Variants in CNTN5 observed in about 807,000 individuals in gnomAD.
CNTN5 encodes contactin-5.
CNTN5 carries 77 observed loss-of-function variants against 129.1 expected under a neutral mutation model. The ratio of observed to expected loss-of-function variants is 0.60; its 90% CI spans 0.50 to 0.72. The LOEUF (loss-of-function observed/expected upper bound fraction) is 0.72. CNTN5 is among the 30% of genes least tolerant of loss of function. The pLI is 0.00. For synonymous variants in CNTN5, 509 were observed against 465.6 expected, an observed-to-expected ratio of 1.09 and a Z score of -1.20; for missense variants, 1,478 against 1,328.8, an observed-to-expected ratio of 1.11 and a Z score of -1.75.
intron 7 of CNTN5, among the ~76,000 whole-genome samples, chr11:99,934,939 TATATATATACAC>T (rs1162118382): frequency 9.0e-5 from 8 of 89,004 alleles, no homozygotes; most frequent in African/African-American, 4.1e-4. Flanking sequence ...TATATATATA[TATATATATACAC>T]ACACATATAT....
chr11:100,126,592 G>C (rs949850528), intron 13 of CNTN5, among the ~76,000 whole-genome samples: 1 of 151,942 alleles, frequency 6.6e-6, no homozygotes, highest in Non-Finnish European at 1.5e-5. Context: ...TCTGATATAA[G>C]AATAGTAACT....
chr11:100,335,264 AG>A (rs1952011560), intron 21 of CNTN5, among the ~76,000 whole-genome samples: 1 of 152,176 alleles, frequency 6.6e-6, no homozygotes, highest in Non-Finnish European at 1.5e-5. Context: ...ATGTAAAAGT[AG>A]GGGAAAGTTC....
intron 6 of CNTN5, among the ~76,000 whole-genome samples, chr11:99,902,193 C>T (rs1047136747): frequency 6.6e-5 from 10 of 151,058 alleles, no homozygotes; most frequent in African/African-American, 2.4e-4. Flanking sequence ...TTTAGTGAAC[C>T]AGAGCGTGGA....
At chr11:100,259,587 CA>C (rs1250140866) in intron 17 of CNTN5, among the ~76,000 whole-genome samples, 4 of 152,036 alleles carry the variant, frequency 2.6e-5, no homozygotes, top group African/African-American at 9.7e-5. Flanking sequence ...GAAGTAATAA[CA>C]AACAGTCTCT....
chr11:100,308,405 G>A lies in CNTN5; in HGVS notation c.2667G>A (p.Val889=), dbSNP rs1482004521. 4 of 1,611,106 alleles carry A rather than the reference G, an allele frequency of 2.5e-6. No homozygotes were observed. Among genetic ancestry groups the A allele is most frequent in the Non-Finnish European group, 3.4e-6 (4 of 1,177,980 alleles). The change falls in exon 21 of 25, where the codon GTG becomes GTA. Residue 889 remains valine, a synonymous_variant. Coordinates refer to ENST00000524871, the MANE Select transcript of CNTN5 (RefSeq NM_014361.4). ...ATGTCAAGGCGACAAGTGTGTCTGTGTCAGAGATTCTTGTTGCATGGAAAC... is the reference window on the plus strand; with the variant it reads ...ATGTCAAGGCGACAAGTGTGTCTGTATCAGAGATTCTTGTTGCATGGAAAC... ...PTDVKATSVS[V]SEILVAWKHI...
chr11:100,143,559 C>A (rs1946762212), intron 13 of CNTN5, among the ~76,000 whole-genome samples: 1 of 152,048 alleles, frequency 6.6e-6, no homozygotes, highest in African/African-American at 2.4e-5. Flanking sequence ...GACAGAATGG[C>A]AATGTGCAGC....
At chr11:99,506,765 A>G (rs537193674) in intron 2 of CNTN5, among the ~76,000 whole-genome samples, 1 of 152,310 alleles carries the variant, frequency 6.6e-6, no homozygotes, top group African/African-American at 2.4e-5. Context: ...TAATTGTAGG[A>G]ATATATTTCA....
chr11:99,578,608 T>C (rs1030389392), intron 3 of CNTN5, among the ~76,000 whole-genome samples: 4 of 149,994 alleles, frequency 2.7e-5, no homozygotes, highest in Non-Finnish European at 5.9e-5. Context: ...CATGTGTTTT[T>C]TGGCTGCATA....
chr11:100,146,064 T>C (rs950503622), intron 13 of CNTN5, among the ~76,000 whole-genome samples: 1 of 152,174 alleles, frequency 6.6e-6, no homozygotes, highest in Non-Finnish European at 1.5e-5. Flanking sequence ...CCCTTTAGCT[T>C]CTCTGTAAAT....
intron 7 of CNTN5, among the ~76,000 whole-genome samples, chr11:99,940,668 A>C (rs1330315586): frequency 6.6e-6 from 1 of 152,144 alleles, no homozygotes; most frequent in Non-Finnish European, 1.5e-5. Flanking sequence ...ACTTTAAAAT[A>C]CAGTTATGTT....
intron 3 of CNTN5, among the ~76,000 whole-genome samples, chr11:99,626,524 T>C (rs1951138890): frequency 6.6e-6 from 1 of 152,130 alleles, no homozygotes; most frequent in Non-Finnish European, 1.5e-5. Flanking sequence ...ATGTTGCCCT[T>C]CTTCAAGAAG....
intron 3 of CNTN5, among the ~76,000 whole-genome samples, chr11:99,689,163 G>A (rs551514369): frequency 6.6e-6 from 1 of 152,160 alleles, no homozygotes; most frequent in Admixed American, 6.5e-5. Context: ...CTGCTTCTAG[G>A]TTTCTGAGAA....
chr11:99,335,919 G>C (rs1866201841), intron 2 of CNTN5, among the ~76,000 whole-genome samples: 1 of 152,032 alleles, frequency 6.6e-6, no homozygotes, highest in Admixed American at 6.5e-5. Context: ...ATTGTGGACT[G>C]GGGCATTAAC....
In CNTN5 at chr11:99,915,993, ATCATAGCAAT is replaced by A. The variant is rs1949779306; in HGVS notation, c.578-58_578-49del. Reference sequence around the variant, plus strand: ...CGATAGAAAGTAAGTACAAGTTACAATCATAGCAATTCTTTACATTCTTTTCTGCCTTGGA... The same window carrying A: ...CGATAGAAAGTAAGTACAAGTTACAATCTTTACATTCTTTTCTGCCTTGGA... On this transcript the variant is annotated intron_variant, in intron 6 of 24. Transcript: ENST00000524871. 4 of 1,296,924 alleles carry A rather than the reference ATCATAGCAAT, an allele frequency of 3.1e-6. No individual in the cohort carries two copies. The Admixed American group carries it at 7.7e-5, about 25-fold the overall frequency. The allele number at this position is 1,296,924 out of a possible 1,614,324, so 80.3% of individuals were successfully genotyped here. A position where few individuals can be genotyped will look rare whatever the true frequency, so the allele number is the denominator to read the frequency against.
rs774290340 is a variant in CNTN5, at chr11:100,308,354, T to A, written c.2621-5T>A. 1 of 1,608,420 alleles carries A rather than the reference T, an allele frequency of 6.2e-7. No individual in the cohort carries two copies. On this transcript the variant is annotated splice_region_variant and splice_polypyrimidine_tract_variant and intron_variant, in intron 20 of 24. Coordinates refer to ENST00000524871, the MANE Select transcript of CNTN5 (RefSeq NM_014361.4). ...TATAATTGTGGTTTATTTTCCTTCA[T>A]ACAGAACCCAGTGCTGCTCCCACAG...
In CNTN5 at chr11:100,356,928, T is replaced by A. The variant is rs1952537269; in HGVS notation, c.*708T>A. ...AGTGCTATAGTTTTTCATAAAGTAC[T>A]ATGTTATCTAGCAGCAAATATAATA... On this transcript the variant is annotated 3_prime_UTR_variant, in exon 25 of 25. Transcript: ENST00000524871. 6.6e-6 allele frequency: 1 copy of A among 151,750 alleles called. No individual in the cohort carries two copies. Among genetic ancestry groups the A allele is most frequent in the Admixed American group, 6.6e-5 (1 of 15,170 alleles). 9.4% of individuals were successfully genotyped at this position (151,750 alleles called of 1,614,324 possible). A position where few individuals can be genotyped will look rare whatever the true frequency, so the allele number is the denominator to read the frequency against.
intron 9 of CNTN5, among the ~76,000 whole-genome samples, chr11:100,002,965 C>G (rs1325481610): frequency 6.6e-6 from 1 of 151,824 alleles, no homozygotes; most frequent in Non-Finnish European, 1.5e-5. Context: ...CAAACTCCCA[C>G]AATATAACTA....
chr11:99,909,872 T>A (rs1321388712), intron 6 of CNTN5, among the ~76,000 whole-genome samples: 5 of 151,968 alleles, frequency 3.3e-5, no homozygotes, highest in Non-Finnish European at 5.9e-5. Flanking sequence ...AATGACGAGT[T>A]ACTGGGTGCA....
intron 8 of CNTN5, among the ~76,000 whole-genome samples, chr11:99,986,289 GC>G (rs1938671815): frequency 1.3e-5 from 2 of 152,042 alleles, no homozygotes; most frequent in Admixed American, 1.3e-4. Context: ...CTCAGCCTAT[GC>G]CCCATTCATT....
Sources: allele counts gnomAD v4.1 joint callset (sites outside exome capture counted in the v4.1 genomes callset), GRCh38; gene constraint gnomAD v4.1.1; transcripts MANE v1.5; gene names NCBI Gene and HGNC (gene_info 2026-07-23, HGNC 2026-07-21).